Variants in EML5 observed in about 807,000 individuals in gnomAD.
EML5 encodes the protein echinoderm microtubule-associated protein-like 5.
A neutral mutation model predicts 250.0 loss-of-function variants in EML5; 120 were observed. That is an observed-to-expected ratio of 0.48 (90% CI 0.41 to 0.56). The LOEUF (loss-of-function observed/expected upper bound fraction) is 0.56, where lower values mean the gene tolerates loss of function less well. EML5 is among the 20% of genes least tolerant of loss of function. The probability of loss-of-function intolerance (pLI) is 0.00; values close to 1 mark genes in which losing one functional copy is unlikely to be tolerated. For synonymous variants in EML5, 771 were observed against 806.5 expected (o/e 0.96, Z 0.75); for missense variants, 2,006 against 2,437.6 (o/e 0.82, Z 3.73).
At chr14:88,618,862 A>C (rs745570586) in intron 39 of EML5, 50 bp from the exon 40 acceptor site, 3 of 1,496,732 alleles carry the variant, frequency 2.0e-6, no homozygotes, top group Admixed American at 2.4e-5. Context: ...AAGTATTATA[A>C]ATACTTAAGA....
intron 13 of EML5, 60 bp downstream of exon 13, chr14:88,704,800 T>A: frequency 8.1e-7 from 1 of 1,236,740 alleles, no homozygotes; most frequent in Non-Finnish European, 1.2e-6. Flanking sequence ...ATTAGAGATG[T>A]TAAGCTAGTA....
chr14:88,717,988 C>G (rs916498818), intron 8 of EML5, among the ~76,000 whole-genome samples: 1 of 152,040 alleles, frequency 6.6e-6, no homozygotes, highest in Non-Finnish European at 1.5e-5. Flanking sequence ...TTAAAATGTT[C>G]CTAGAAAATT....
Position 88,658,286 on chromosome 14 carries a change from C to G in EML5, c.3778G>C (p.Asp1260His). 6.2e-7 allele frequency: 1 copy of G among 1,613,868 alleles called. No individual in the cohort carries two copies. Among genetic ancestry groups the G allele is most frequent in the Non-Finnish European group, 8.5e-7 (1 of 1,179,828 alleles). Residue 1260 changes from aspartate (D) to histidine (H), a missense_variant, in exon 26 of 44, where the codon GAT becomes CAT. Asp to His is a moderately conservative substitution (Grantham distance 81). Transcript: ENST00000554922. Reference protein sequence around the residue: ...DSMLVTLGGTDMSLMVWTNEM... With the variant: ...DSMLVTLGGTHMSLMVWTNEM... The stretch of plus-strand genomic sequence containing the variant: ...TTTGTCCACACCATTAAAGACATAT[C>G]TGTACCGCCTAGGGTAACCAACATG...
intron 7 of EML5, among the ~76,000 whole-genome samples, chr14:88,733,959 TAAC>T (rs72177625): frequency 2.1e-4 from 32 of 150,544 alleles, no homozygotes; most frequent in South Asian, 6.3e-4. Flanking sequence ...ATATGAAAAA[TAAC>T]AACAACAACA....
At chr14:88,740,269 A>G (rs983724070) in intron 5 of EML5, 118 bp downstream of exon 5, 1 of 732,202 alleles carries the variant, frequency 1.4e-6, no homozygotes, top group African/African-American at 1.8e-5. Flanking sequence ...TCAGTTAGAA[A>G]AGCATTTTCA....
intron 32 of EML5, among the ~76,000 whole-genome samples, chr14:88,637,187 A>G (rs989388834): frequency 6.6e-6 from 1 of 152,176 alleles, no homozygotes; most frequent in Admixed American, 6.5e-5. Flanking sequence ...CCTTGAGTCT[A>G]TCTTAATTAG....
chr14:88,618,331 C>T lies in EML5; in HGVS notation c.5539G>A (p.Val1847Ile). Residue 1847 changes from valine (V) to isoleucine (I), a missense_variant and splice_region_variant, in exon 41 of 44, where the codon GTC (valine) becomes ATC (isoleucine). By Grantham distance (29) the Val-to-Ile change is conservative (BLOSUM62 3). This residue lies in a region of EML5 where 405 missense variants were observed against 523.3 expected (regional missense o/e 0.77). Transcript: ENST00000554922. The stretch of plus-strand genomic sequence containing the variant: ...TGCCGTTTATAGCAGCCACTAGAGA[C>T]CTTTTTCATCAGATTAAAATGGGAC... ...DFSADSSYLQVSSGCYKRHVY... is the reference protein window; with the variant it reads ...DFSADSSYLQISSGCYKRHVY... The T allele has an allele frequency of 6.2e-7, 1 of 1,613,012 alleles. No homozygotes were observed. Among genetic ancestry groups the T allele is most frequent in the South Asian group, 1.1e-5 (1 of 91,042 alleles).
chr14:88,736,568 A>G lies in EML5; in HGVS notation c.848-3T>C. ...ACACACACTCCTTACAGACAAACCT[A>G]GTAAAAAGTAAATTGTATTTAATAT... is the stretch of plus-strand genomic sequence containing the variant. On this transcript the variant is annotated splice_region_variant and splice_polypyrimidine_tract_variant and intron_variant, in intron 6 of 43. Coordinates refer to ENST00000554922, the MANE Select transcript of EML5 (RefSeq NM_183387.3). 6 of 1,613,390 alleles carry G rather than the reference A, an allele frequency of 3.7e-6. No individual in the cohort carries two copies. Among genetic ancestry groups the G allele is most frequent in the Non-Finnish European group, 5.1e-6 (6 of 1,179,524 alleles).
At chr14:88,726,091 A>C (rs969976209) in intron 8 of EML5, among the ~76,000 whole-genome samples, 8 of 152,112 alleles carry the variant, frequency 5.3e-5, no homozygotes, top group African/African-American at 7.3e-5. Flanking sequence ...AAATTCTTTA[A>C]ATTTTTCTAA....
intron 7 of EML5, among the ~76,000 whole-genome samples, chr14:88,733,889 G>C (rs2093798789): frequency 6.6e-6 from 1 of 152,002 alleles, no homozygotes; most frequent in African/African-American, 2.4e-5. Flanking sequence ...TAATTTTGGG[G>C]AAGATTTCTC....
intron 1 of EML5, among the ~76,000 whole-genome samples, chr14:88,758,999 AGAG>A (rs1331237558): frequency 6.6e-6 from 1 of 152,176 alleles, no homozygotes; most frequent in African/African-American, 2.4e-5. Flanking sequence ...TGCTGGAAGG[AGAG>A]GAGAATGGAT....
chr14:88,740,122 C>T (rs142639538), intron 5 of EML5, among the ~76,000 whole-genome samples: 33 of 152,166 alleles, frequency 2.2e-4, no homozygotes, highest in African/African-American at 7.9e-4. Flanking sequence ...AGTCAACAAG[C>T]TTTTTTTCAA....
chr14:88,693,763 C>CTTTTTTTTTTTTT (rs71127002), intron 17 of EML5, among the ~76,000 whole-genome samples: 1 of 62,846 alleles, frequency 1.6e-5, no homozygotes, highest in Non-Finnish European at 2.7e-5. Flanking sequence ...ATGTTAACAT[C>CTTTTTTTTTTTTT]TTTTTTTTTT....
chr14:88,792,696 G>A lies in EML5; in HGVS notation c.-193C>T, dbSNP rs2094623045. 1.8e-6 allele frequency: 2 copies of A among 1,124,498 alleles called. No homozygotes were observed. The highest frequency in any genetic ancestry group is 8.8e-5 in the South Asian group (2 of 22,696). The allele number at this position is 1,124,498 out of a possible 1,614,324, so 69.7% of individuals were successfully genotyped here. A position where few individuals can be genotyped will look rare whatever the true frequency, so the allele number is the denominator to read the frequency against. ...GCCCACAGGCGGGAGGAAAACCCTCGCCTCGCGGAACATGCTGAGGGCCGC... is the reference window on the plus strand; with the variant it reads ...GCCCACAGGCGGGAGGAAAACCCTCACCTCGCGGAACATGCTGAGGGCCGC... On this transcript the variant is annotated 5_prime_UTR_variant, in exon 1 of 44. Transcript: ENST00000554922. This position sits in a 1 kb window ranked among gnomAD's most constrained non-coding sequence, Gnocchi z 6.9.
chr14:88,654,674 T>C (rs1170068809), intron 27 of EML5, among the ~76,000 whole-genome samples: 1 of 152,146 alleles, frequency 6.6e-6, no homozygotes, highest in Non-Finnish European at 1.5e-5. Context: ...TTCTTTTGCA[T>C]TTGCTGAGGA....
rs532506660 is a variant in EML5 at position 88,626,723 on chromosome 14, A to G, written c.4740+115T>C. On this transcript the variant is annotated intron_variant, in intron 35 of 43. Coordinates refer to ENST00000554922, the MANE Select transcript of EML5 (RefSeq NM_183387.3). ...GATGAAATATATGCTTGACCAGGGC[A>G]TGTAATGATTAGCAGATCACAGTAT... 93 of 1,001,676 alleles carry G rather than the reference A, an allele frequency of 9.3e-5. No homozygotes were observed. In the Middle Eastern group the frequency reaches 9.5e-4, roughly 10 times the overall value. The allele number at this position is 1,001,676 out of a possible 1,614,324, so 62.0% of individuals were successfully genotyped here. A position where few individuals can be genotyped will look rare whatever the true frequency, so the allele number is the denominator to read the frequency against.
At chr14:88,626,791 AATG>A (rs774275358) in intron 35 of EML5, 44 bp downstream of exon 35, 1 of 1,587,382 alleles carries the variant, frequency 6.3e-7, no homozygotes, top group Non-Finnish European at 8.6e-7. Flanking sequence ...AAGGCAAGAG[AATG>A]TAAAGTAGTC....
intron 21 of EML5, among the ~76,000 whole-genome samples, chr14:88,666,808 A>T (rs778938754): frequency 5.3e-5 from 8 of 152,122 alleles, no homozygotes; most frequent in Non-Finnish European, 7.4e-5. Flanking sequence ...TCTGATGAGG[A>T]AAGGACAGGG....
intron 27 of EML5, among the ~76,000 whole-genome samples, chr14:88,652,905 C>T (rs1489162062): frequency 6.6e-6 from 1 of 152,104 alleles, no homozygotes; most frequent in Non-Finnish European, 1.5e-5. Flanking sequence ...GCCATTTTCA[C>T]GATATTGATT....
Sources: allele counts gnomAD v4.1 joint callset (sites outside exome capture counted in the v4.1 genomes callset), GRCh38; gene constraint gnomAD v4.1.1; regional missense constraint gnomAD v4.1.1; non-coding constraint Gnocchi (gnomAD v3.1); transcripts MANE v1.5; gene names NCBI Gene and HGNC (gene_info 2026-07-23, HGNC 2026-07-21).